Variants in SYT14 observed in about 807,000 individuals in gnomAD.
SYT14 encodes the protein synaptotagmin 14, also known as synaptotagmin-14.
In SYT14, 32 loss-of-function variants were observed where a neutral mutation model predicts 74.2. The ratio of observed to expected loss-of-function variants is 0.43; its 90% confidence interval spans 0.33 to 0.58. The LOEUF (loss-of-function observed/expected upper bound fraction) is 0.58, where lower values mean the gene tolerates loss of function less well. SYT14 is among the 20% of genes least tolerant of loss of function. The pLI, the probability that SYT14 is intolerant of heterozygous loss-of-function variation, is 0.05. For synonymous variants in SYT14, 298 were observed against 337.7 expected, an observed-to-expected ratio of 0.88 and a Z score of 1.29; for missense variants, 791 against 981.8, an observed-to-expected ratio of 0.81 and a Z score of 2.60.
Position 210,159,493 on chromosome 1 carries a change from G to T in SYT14, c.2281+16G>T, listed in dbSNP as rs1330959691. On this transcript the variant is annotated intron_variant, in intron 9 of 9. Transcript: ENST00000637265. Reference sequence around the variant, plus strand: ...ATAATCCGAGGTGAGTTCCTGTAGAGGCTAATTGGATGTTGTCTTTTCATG... The same window carrying T: ...ATAATCCGAGGTGAGTTCCTGTAGATGCTAATTGGATGTTGTCTTTTCATG... 3 of 1,550,996 alleles carry T rather than the reference G, an allele frequency of 1.9e-6. No individual in the cohort carries two copies. Among genetic ancestry groups the T allele is most frequent in the African/African-American group, 1.4e-5 (1 of 73,136 alleles).
At chr1:210,031,831 G>A (rs1384718433) in intron 5 of SYT14, among the ~76,000 whole-genome samples, 1 of 152,052 alleles carries the variant, frequency 6.6e-6, no homozygotes, top group African/African-American at 2.4e-5. Flanking sequence ...GAGCAAGGGG[G>A]CCATTGTAAG....
chr1:210,016,999 G>C (rs1233559629), exon 4 of SYT14: 1 of 1,231,652 alleles, frequency 8.1e-7, no homozygotes, highest in African/African-American at 1.6e-5. Context: ...ACTGTAAAGT[G>C]AACGAAGACA....
At chr1:210,136,382 A>G (rs1284988962) in intron 7 of SYT14, among the ~76,000 whole-genome samples, 3 of 152,270 alleles carry the variant, frequency 2.0e-5, no homozygotes, top group Non-Finnish European at 4.4e-5. Flanking sequence ...ATTTTAGAAA[A>G]TGGAAGATTT....
At position 210,169,230 on chromosome 1, in the gene SYT14, T is replaced by TG. The variant is rs1167949897; in HGVS notation, c.*8188_*8189insG. On this transcript the variant is annotated 3_prime_UTR_variant, in exon 10 of 10. Transcript: ENST00000637265. ...TTTTTATGTTTTTGGTGTTTTTTTT[T>TG]TTTTTTTTTTTTTTTTTTTTTGTAG... 7.2e-5 allele frequency: 10 copies of TG among 138,330 alleles called. No individual in the cohort carries two copies. The South Asian group carries it at 1.5e-3, about 21-fold the overall frequency. The allele number at this position is 138,330 out of a possible 1,614,324, so 8.6% of individuals were successfully genotyped here. A position where few individuals can be genotyped will look rare whatever the true frequency, so the allele number is the denominator to read the frequency against.
intron 7 of SYT14, among the ~76,000 whole-genome samples, chr1:210,139,650 C>A (rs1018115519): frequency 1.9e-4 from 29 of 152,274 alleles, no homozygotes; most frequent in African/African-American, 6.7e-4. Flanking sequence ...TTAGCAATTA[C>A]ACCTCCTGGC....
At position 209,954,769 on chromosome 1, in the gene SYT14, G is replaced by T. The variant is rs369024079; in HGVS notation, c.-486+2013G>T. 4.0e-5 allele frequency among the ~76,000 whole-genome samples: 6 copies of T among 150,254 alleles called. No homozygotes were observed. In the South Asian group the frequency reaches 1.1e-3, roughly 26 times the overall value. The stretch of plus-strand genomic sequence containing the variant: ...CTCCCAGGCTGGAATGCAGTGGTAC[G>T]ATCTTGGCCCACTGCAACCTCTGCC... On this transcript the variant is annotated intron_variant, in intron 2 of 9. Transcript: ENST00000637265.
intron 2 of SYT14, among the ~76,000 whole-genome samples, chr1:210,003,765 ATTC>A (rs1390769127): frequency 6.6e-6 from 1 of 152,134 alleles, no homozygotes; most frequent in African/African-American, 2.4e-5. Flanking sequence ...ATTGCATTAT[ATTC>A]TTTAGCAGGA....
At chr1:209,962,484 T>C (rs2079091404) in intron 2 of SYT14, among the ~76,000 whole-genome samples, 1 of 152,036 alleles carries the variant, frequency 6.6e-6, no homozygotes, top group Non-Finnish European at 1.5e-5. Flanking sequence ...ATGATTAACA[T>C]GACAGTTTCA....
intron 6 of SYT14, among the ~76,000 whole-genome samples, chr1:210,097,045 C>T (rs1408100216): frequency 6.6e-6 from 1 of 152,214 alleles, no homozygotes; most frequent in Non-Finnish European, 1.5e-5. Flanking sequence ...TTTCCTCCGT[C>T]CTGCTTATTT....
intron 2 of SYT14, among the ~76,000 whole-genome samples, chr1:210,008,008 C>A (rs996163931): frequency 1.3e-5 from 2 of 152,070 alleles, no homozygotes; most frequent in Non-Finnish European, 2.9e-5. Flanking sequence ...TGCTCAAGTT[C>A]AAATACAGAC....
intron 7 of SYT14, among the ~76,000 whole-genome samples, chr1:210,143,078 C>G (rs1236538789): frequency 6.6e-6 from 1 of 151,996 alleles, no homozygotes; most frequent in Non-Finnish European, 1.5e-5. Context: ...TAATAACACT[C>G]TATTAGAGGA....
chr1:210,024,334 A>G (rs2080365193), intron 5 of SYT14, among the ~76,000 whole-genome samples: 2 of 152,216 alleles, frequency 1.3e-5, no homozygotes, highest in Admixed American at 6.5e-5. Flanking sequence ...AAAAGTCTGA[A>G]TTACAGTAGT....
intron 2 of SYT14, among the ~76,000 whole-genome samples, chr1:209,982,125 C>A (rs1424162855): frequency 6.6e-6 from 1 of 151,880 alleles, no homozygotes; most frequent in South Asian, 2.1e-4. Context: ...TTTACATAGT[C>A]CCATATTTCT....
chr1:210,108,391 T>G (rs2082197755), intron 7 of SYT14, among the ~76,000 whole-genome samples: 1 of 152,220 alleles, frequency 6.6e-6, no homozygotes, highest in Admixed American at 6.5e-5. Context: ...TTAAAAACTG[T>G]GTGTTGGATT....
At chr1:210,119,608 A>G (rs1049882470) in intron 7 of SYT14, among the ~76,000 whole-genome samples, 3 of 152,212 alleles carry the variant, frequency 2.0e-5, no homozygotes, top group African/African-American at 7.2e-5. Flanking sequence ...AATTCTGGTC[A>G]TAAAGTTATT....
At chr1:209,955,407 AT>A (rs1233025788) in intron 2 of SYT14, among the ~76,000 whole-genome samples, 3 of 152,138 alleles carry the variant, frequency 2.0e-5, no homozygotes, top group African/African-American at 7.2e-5. Flanking sequence ...ATCATCCTGT[AT>A]TTCCCCATTA....
intron 1 of SYT14, among the ~76,000 whole-genome samples, chr1:209,941,274 TACC>T (rs1461724793): frequency 6.6e-6 from 1 of 152,248 alleles, no homozygotes; most frequent in African/African-American, 2.4e-5. Context: ...ATGATAGAGT[TACC>T]ACATGGAGCT....
At chr1:210,078,636 T>A (rs534626866) in intron 5 of SYT14, among the ~76,000 whole-genome samples, 2 of 152,236 alleles carry the variant, frequency 1.3e-5, no homozygotes, top group South Asian at 4.1e-4. Flanking sequence ...AGAGTGTACA[T>A]TGAAGGACAA....
chr1:210,130,974 C>T (rs2046850), intron 7 of SYT14, among the ~76,000 whole-genome samples: 24,328 of 152,152 alleles, frequency 0.16, 2,316 homozygotes, highest in East Asian at 0.23. Context: ...TTCAAACAGT[C>T]TGTTTTGTGG....
Sources: gnomAD v4.1 joint callset for allele counts (sites outside exome capture counted in the v4.1 genomes callset) on GRCh38, gnomAD v4.1.1 for gene constraint, MANE v1.5 for transcripts, NCBI Gene and HGNC (gene_info 2026-07-23, HGNC 2026-07-21) for gene names.